Variants in KIF13B observed in about 807,000 individuals in gnomAD.
KIF13B encodes the protein kinesin-like protein KIF13B.
In KIF13B, 127 loss-of-function variants were observed where a neutral mutation model predicts 222.0. The ratio of observed to expected loss-of-function variants is 0.57; its 90% CI spans 0.50 to 0.66. The LOEUF (loss-of-function observed/expected upper bound fraction) is 0.66, where lower values mean the gene tolerates loss of function less well. Ranked by LOEUF, KIF13B falls within the 30% of genes least tolerant of loss-of-function variation. The pLI, the probability that KIF13B is intolerant of heterozygous loss-of-function variation, is 0.00. For missense variants in KIF13B, 2,173 were observed against 2,379.0 expected, an observed-to-expected ratio of 0.91 and a Z score of 1.80; for synonymous variants, 976 against 919.0, an observed-to-expected ratio of 1.06 and a Z score of -1.12.
Position 29,106,107 on chromosome 8 carries a change from C to A in KIF13B, c.4215+2032G>T, listed in dbSNP as rs565449216. On this transcript the variant is annotated intron_variant, in intron 35 of 39. Transcript: ENST00000524189. Reference sequence around the variant, plus strand: ...TTTACTTACATTAAAAAGTCACGTACAATCAATTTTCAAAAACTCTGCTCT... The same window carrying A: ...TTTACTTACATTAAAAAGTCACGTAAAATCAATTTTCAAAAACTCTGCTCT... Among the ~76,000 whole-genome samples, 329 of 152,238 alleles carry A rather than the reference C, an allele frequency of 2.2e-3. 1 individual carries two copies. The highest frequency in any genetic ancestry group is 3.8e-3 in the Non-Finnish European group (257 of 68,030).
chr8:29,250,624 C>A (rs1787113851), intron 1 of KIF13B, among the ~76,000 whole-genome samples: 1 of 152,152 alleles, frequency 6.6e-6, no homozygotes, highest in Admixed American at 6.6e-5. Flanking sequence ...CTATTTCAAT[C>A]TTTTTTGTCA....
At chr8:29,246,819 T>G (rs1388014895) in intron 1 of KIF13B, among the ~76,000 whole-genome samples, 1 of 152,208 alleles carries the variant, frequency 6.6e-6, no homozygotes, top group Non-Finnish European at 1.5e-5. Context: ...GTCCATTGAT[T>G]TTGACAACGA....
intron 2 of KIF13B, among the ~76,000 whole-genome samples, chr8:29,239,005 G>A (rs944452014): frequency 5.9e-5 from 9 of 152,110 alleles, no homozygotes; most frequent in African/African-American, 2.2e-4. Context: ...ACCACTATAC[G>A]CCAGCCTGGG....
chr8:29,245,520 A>C, intron 1 of KIF13B, 81 bp from the exon 2 acceptor site: 1 of 952,432 alleles, frequency 1.0e-6, no homozygotes, highest in Non-Finnish European at 1.6e-6. Context: ...AAAGACAAAA[A>C]TTCAATACTC....
chr8:29,235,271 A>C (rs1232161412), intron 2 of KIF13B, among the ~76,000 whole-genome samples: 1 of 152,244 alleles, frequency 6.6e-6, no homozygotes, highest in African/African-American at 2.4e-5. Context: ...GGGAGTCTAG[A>C]AAGGTTACAG....
chr8:29,162,963 A>G (rs1811846030), intron 12 of KIF13B, among the ~76,000 whole-genome samples: 1 of 152,206 alleles, frequency 6.6e-6, no homozygotes, highest in African/African-American at 2.4e-5. Flanking sequence ...TAATACATAA[A>G]CAAATGAGCA....
chr8:29,127,077 C>G (rs1259705643), intron 25 of KIF13B, 45 bp downstream of exon 25: 7 of 1,586,700 alleles, frequency 4.4e-6, no homozygotes, highest in Non-Finnish European at 6.0e-6. Context: ...GCACTCTGGT[C>G]TGATTTTGTC....
chr8:29,119,026 T>TC (rs1809734053), intron 29 of KIF13B, 34 bp from the exon 30 acceptor site: 1 of 1,601,194 alleles, frequency 6.2e-7, no homozygotes, highest in African/African-American at 1.3e-5. Context: ...AATACTGAGA[T>TC]CATTTTCAAG....
chr8:29,125,394 A>G (rs1041209090), intron 26 of KIF13B, among the ~76,000 whole-genome samples: 1 of 152,230 alleles, frequency 6.6e-6, no homozygotes, highest in African/African-American at 2.4e-5. Flanking sequence ...CAAATAGCCT[A>G]TGACATTGTT....
chr8:29,226,191 T>G (rs1388179637), intron 2 of KIF13B, among the ~76,000 whole-genome samples: 4 of 152,114 alleles, frequency 2.6e-5, no homozygotes, highest in Non-Finnish European at 5.9e-5. Context: ...GAGAAGGTCC[T>G]GGCAGCACAG....
chr8:29,255,729 G>A (rs974142310), intron 1 of KIF13B, among the ~76,000 whole-genome samples: 3 of 151,952 alleles, frequency 2.0e-5, no homozygotes, highest in East Asian at 1.9e-4. Context: ...CAATTAATTC[G>A]TTTCAGTGAA....
intron 26 of KIF13B, among the ~76,000 whole-genome samples, chr8:29,124,791 G>A (rs1014884458): frequency 1.2e-4 from 18 of 151,870 alleles, no homozygotes; most frequent in Non-Finnish European, 2.2e-4. Flanking sequence ...GCTGAGGCAG[G>A]AGAATCGCTT....
chr8:29,181,311 GA>G (rs1205476992), intron 7 of KIF13B, among the ~76,000 whole-genome samples: 1 of 152,092 alleles, frequency 6.6e-6, no homozygotes, highest in Non-Finnish European at 1.5e-5. Context: ...TCTTTTCCAT[GA>G]AAAGCCTTGT....
rs912575096 is a variant in KIF13B, at chr8:29,116,900, C to A, written c.3768G>T (p.Gln1256His). ...RLFLIVRVTV[Q>H]LSHPADMQLV... ...GTTGCATGTCAGCAGGGTGGCTGAG[C>A]TGGACCGTCACGCGCACGATCAGGA... is the stretch of plus-strand genomic sequence containing the variant. Residue 1256 changes from glutamine to histidine, a missense_variant, in exon 31 of 40, where the codon CAG becomes CAT. This residue lies in a region of KIF13B where 1,480 missense variants were observed against 1,722.8 expected (regional missense o/e 0.86). Transcript: ENST00000524189. 1.9e-6 allele frequency: 3 copies of A among 1,613,594 alleles called. No homozygotes were observed. In the African/African-American group the frequency reaches 4.0e-5, roughly 22 times the overall value.
At chr8:29,147,345 T>TG (rs746145794) in intron 17 of KIF13B, 47 bp downstream of exon 17, 4 of 1,400,074 alleles carry the variant, frequency 2.9e-6, no homozygotes, top group Non-Finnish European at 3.9e-6. Context: ...GTGTTAGAGG[T>TG]GGCAAGCCTG....
intron 34 of KIF13B, among the ~76,000 whole-genome samples, chr8:29,109,049 C>A (rs1586789410): frequency 6.6e-6 from 1 of 152,206 alleles, no homozygotes; most frequent in African/African-American, 2.4e-5. Context: ...TTGTGAACAA[C>A]TGGTTTGTGA....
chr8:29,106,044 C>T (rs547884403), intron 35 of KIF13B, among the ~76,000 whole-genome samples: 50 of 152,232 alleles, frequency 3.3e-4, no homozygotes, highest in Admixed American at 7.2e-4. Context: ...CACAAAAGCA[C>T]AGGAAGTCAT....
intron 35 of KIF13B, among the ~76,000 whole-genome samples, chr8:29,107,269 T>C (rs948036263): frequency 6.6e-6 from 1 of 152,172 alleles, no homozygotes; most frequent in Admixed American, 6.5e-5. Flanking sequence ...GGCTCACGCC[T>C]GTAATCCCAG....
intron 21 of KIF13B, among the ~76,000 whole-genome samples, chr8:29,139,836 G>A (rs1421689042): frequency 6.6e-6 from 1 of 152,174 alleles, no homozygotes; most frequent in Non-Finnish European, 1.5e-5. Flanking sequence ...ACTAGCGGGT[G>A]TTTGGAAATG....
Sources: gnomAD v4.1 joint callset for allele counts (sites outside exome capture counted in the v4.1 genomes callset) on GRCh38, gnomAD v4.1.1 for gene constraint, gnomAD v4.1.1 regional missense constraint, MANE v1.5 for transcripts, NCBI Gene and HGNC (gene_info 2026-07-23, HGNC 2026-07-21) for gene names.